The following CNIH3 variants were observed in gnomAD, a reference collection of about 807,000 sequenced individuals.
CNIH3 encodes protein cornichon homolog 3.
CNIH3 carries 14 observed loss-of-function variants against 24.1 expected under a neutral mutation model. The observed-to-expected ratio is 0.58, with a 90% CI of 0.38 to 0.91. CNIH3 has a LOEUF of 0.91. CNIH3 is among the 40% of genes least tolerant of loss of function. The pLI, the probability that CNIH3 is intolerant of heterozygous loss-of-function variation, is 0.00. For synonymous variants in CNIH3, 68 were observed against 73.8 expected (o/e 0.92, Z 0.40); for missense variants, 178 against 196.8 (o/e 0.90, Z 0.57).
intron 1 of CNIH3, among the ~76,000 whole-genome samples, chr1:224,442,714 A>G (rs1353203257): frequency 1.3e-5 from 2 of 152,236 alleles, no homozygotes; most frequent in Non-Finnish European, 2.9e-5. Context: ...CACATTTTAC[A>G]GGTGAGAAAC....
upstream of CNIH3, among the ~76,000 whole-genome samples, chr1:224,515,020 A>G (rs1388072684): frequency 6.6e-6 from 1 of 152,230 alleles, no homozygotes; most frequent in African/African-American, 2.4e-5. Context: ...GCACATGGCC[A>G]TGACTAGGAA....
Position 224,739,907 on chromosome 1 carries a change from G to A in CNIH3, c.*551G>A, listed in dbSNP as rs1486029218. On this transcript the variant is annotated 3_prime_UTR_variant, in exon 6 of 6. Transcript: ENST00000272133. ...AATGGGAGGGGCTGGAGGGTGTGTG[G>A]GATTTGTCTTCAGCTGCAACCAGCC... 1 of 152,662 alleles carries A rather than the reference G, an allele frequency of 6.6e-6. No individual in the cohort carries two copies. Among genetic ancestry groups the A allele is most frequent in the Admixed American group, 6.5e-5 (1 of 15,282 alleles). 9.5% of individuals were successfully genotyped at this position (152,662 alleles called of 1,614,324 possible).
chr1:224,687,822 C>T (rs1007262699), intron 3 of CNIH3, among the ~76,000 whole-genome samples: 1 of 152,198 alleles, frequency 6.6e-6, no homozygotes, highest in Non-Finnish European at 1.5e-5. Context: ...TCAAATCCAC[C>T]TCCTCGAGAA....
chr1:224,512,420 C>T (rs1678193594), upstream of CNIH3, among the ~76,000 whole-genome samples: 1 of 152,106 alleles, frequency 6.6e-6, no homozygotes, highest in South Asian at 2.1e-4. Flanking sequence ...TTTGAGGTTA[C>T]AGTGAACTAT....
intron 5 of CNIH3, among the ~76,000 whole-genome samples, chr1:224,738,641 G>A (rs1160457011): frequency 6.6e-6 from 1 of 152,186 alleles, no homozygotes; most frequent in East Asian, 1.9e-4. Flanking sequence ...TTTTGGTGCA[G>A]ATCATTCCTC....
chr1:224,551,068 C>A (rs1395586942), intron 3 of CNIH3, among the ~76,000 whole-genome samples: 1 of 152,024 alleles, frequency 6.6e-6, no homozygotes, highest in Non-Finnish European at 1.5e-5. Flanking sequence ...AGTCAGGAAA[C>A]AACAGGTGCT....
intron 3 of CNIH3, among the ~76,000 whole-genome samples, chr1:224,550,083 T>TA (rs1679854112): frequency 1.3e-5 from 2 of 152,066 alleles, no homozygotes; most frequent in African/African-American, 4.8e-5. Context: ...TGTCACAGTG[T>TA]GACAACTGTA....
chr1:224,575,381 G>C, intron 4 of CNIH3: 1 of 1,080,380 alleles, frequency 9.3e-7, no homozygotes, highest in Non-Finnish European at 1.4e-6. Flanking sequence ...CTTCCATGAA[G>C]AGTTTTGAAG....
At chr1:224,617,956 C>A (rs1420037394) in intron 1 of CNIH3, among the ~76,000 whole-genome samples, 2 of 152,290 alleles carry the variant, frequency 1.3e-5, no homozygotes, top group East Asian at 3.9e-4. Flanking sequence ...CTGAAGACCC[C>A]CTGCAGGTGG....
downstream of CNIH3, among the ~76,000 whole-genome samples, chr1:224,541,990 C>T (rs938724754): frequency 1.2e-4 from 19 of 152,202 alleles, no homozygotes; most frequent in African/African-American, 3.9e-4. Flanking sequence ...CAAGACAAGT[C>T]CAGTGGCTTC....
intron 2 of CNIH3, among the ~76,000 whole-genome samples, chr1:224,524,403 C>T (rs190228890): frequency 5.9e-5 from 9 of 152,336 alleles, no homozygotes; most frequent in African/African-American, 1.9e-4. Context: ...GCTATTTTCT[C>T]TTCTGTCTTA....
chr1:224,530,883 C>G (rs1209646515), intron 2 of CNIH3, among the ~76,000 whole-genome samples: 1 of 152,196 alleles, frequency 6.6e-6, no homozygotes, highest in Admixed American at 6.5e-5. Context: ...TAGGCGTGAG[C>G]CACTGTGTGG....
chr1:224,592,716 T>C (rs1462749425), downstream of CNIH3, among the ~76,000 whole-genome samples: 1 of 152,186 alleles, frequency 6.6e-6, no homozygotes, highest in Non-Finnish European at 1.5e-5. Context: ...AATGGGGATC[T>C]AGTTTTGACA....
Position 224,658,670 on chromosome 1 carries a change from T to G in CNIH3, c.82-22288T>G, listed in dbSNP as rs373158157. ...ATAGGAAATCCACTTTCCCAGATAA[T>G]AAGACAGCAAAGACAGCATGGGGCC... is the stretch of plus-strand genomic sequence containing the variant. On this transcript the variant is annotated intron_variant, in intron 1 of 5. Coordinates refer to ENST00000272133, the MANE Select transcript of CNIH3 (RefSeq NM_152495.2). Among the ~76,000 whole-genome samples the G allele has an allele frequency of 1.5e-4, 23 of 150,154 alleles. No individual in the cohort carries two copies. The East Asian group carries it at 1.6e-3, about 10-fold the overall frequency.
downstream of CNIH3, among the ~76,000 whole-genome samples, chr1:224,591,922 C>T (rs889456255): frequency 1.3e-5 from 2 of 152,192 alleles, no homozygotes; most frequent in African/African-American, 2.4e-5. Context: ...AGTGCTTGCA[C>T]AAGGTCTGAT....
chr1:224,642,507 G>A (rs1372323129), intron 1 of CNIH3, among the ~76,000 whole-genome samples: 2 of 152,132 alleles, frequency 1.3e-5, no homozygotes, highest in African/African-American at 2.4e-5. Context: ...TGGGATTGTC[G>A]GTGTGAGCCG....
chr1:224,519,501 C>G (rs1678536602), intron 1 of CNIH3, among the ~76,000 whole-genome samples: 1 of 151,960 alleles, frequency 6.6e-6, no homozygotes. Flanking sequence ...TTCTCTTTCT[C>G]TGTATGCGTG....
At position 224,648,233 on chromosome 1, in the gene CNIH3, G is replaced by A. The variant is rs961436332; in HGVS notation, c.81+30978G>A. On this transcript the variant is annotated intron_variant, in intron 1 of 5. Transcript: ENST00000272133. ...TTGAGACCAGCCTGGCCAACATGGT[G>A]AAACCCTGTCTCTATTAAAATACAA... is the stretch of plus-strand genomic sequence containing the variant. Among the ~76,000 whole-genome samples, 5 of 152,062 alleles carry A rather than the reference G, an allele frequency of 3.3e-5. No individual in the cohort carries two copies. The East Asian group carries it at 5.8e-4, about 18-fold the overall frequency.
intron 3 of CNIH3, among the ~76,000 whole-genome samples, chr1:224,692,076 C>T (rs1296050480): frequency 6.6e-6 from 1 of 152,154 alleles, no homozygotes; most frequent in Non-Finnish European, 1.5e-5. Context: ...AGGAGGATTG[C>T]TTGAGCCCAG....
Sources: gnomAD v4.1 joint callset for allele counts (sites outside exome capture counted in the v4.1 genomes callset) on GRCh38, gnomAD v4.1.1 for gene constraint, MANE v1.5 for transcripts, NCBI Gene and HGNC (gene_info 2026-07-23, HGNC 2026-07-21) for gene names.